Variants in HDAC7 observed in about 807,000 individuals in gnomAD.
The protein encoded by HDAC7 is histone deacetylase 7A.
In HDAC7, 26 loss-of-function variants were observed where a neutral mutation model predicts 115.5. That is an observed-to-expected ratio of 0.23 (90% confidence interval 0.16 to 0.31). HDAC7 has a LOEUF of 0.31. HDAC7 is among the 10% of genes least tolerant of loss of function. The probability of loss-of-function intolerance (pLI) is 1.00; values close to 1 mark genes in which losing one functional copy is unlikely to be tolerated. For synonymous variants in HDAC7, 564 were observed against 550.9 expected, an observed-to-expected ratio of 1.02 and a Z score of -0.33; for missense variants, 1,068 against 1,329.0, an observed-to-expected ratio of 0.80 and a Z score of 3.05.
intron 1 of HDAC7, among the ~76,000 whole-genome samples, chr12:47,817,248 C>A (rs1194765173): frequency 6.6e-6 from 1 of 152,248 alleles, no homozygotes; most frequent in East Asian, 1.9e-4. Flanking sequence ...CTCCTTCCTG[C>A]CTCCCCAGAG....
chr12:47,793,308 C>A lies in HDAC7; in HGVS notation c.1678+61G>T. ...AAATGTCCCAAGTGACACCAAGACA[C>A]CCACATGGACTCGTGCAGCCGAGCC... On this transcript the variant is annotated intron_variant, in intron 13 of 25. Transcript: ENST00000080059. This position sits in a 1 kb window ranked among gnomAD's most constrained non-coding sequence, Gnocchi z 4.5. 7.8e-7 allele frequency: 1 copy of A among 1,278,210 alleles called. No homozygotes were observed. Among genetic ancestry groups the A allele is most frequent in the South Asian group, 1.5e-5 (1 of 66,612 alleles). The allele number at this position is 1,278,210 out of a possible 1,614,324, so 79.2% of individuals were successfully genotyped here.
At position 47,783,635 on chromosome 12, in the gene HDAC7, CCT is replaced by C. The variant is rs1291860859; in HGVS notation, c.*204_*205del. The C allele has an allele frequency of 9.8e-6, 6 of 614,854 alleles. No individual in the cohort carries two copies. Among genetic ancestry groups the C allele is most frequent in the Middle Eastern group, 4.3e-4 (1 of 2,346 alleles). 38.1% of individuals were successfully genotyped at this position (614,854 alleles called of 1,614,324 possible). A position where few individuals can be genotyped will look rare whatever the true frequency, so the allele number is the denominator to read the frequency against. ...GTGGGGGTCGCCGCCCAGCCCGTCTCCTCTCAGGGTCCTCTCCAGTTCCCATT... is the reference window on the plus strand; with the variant it reads ...GTGGGGGTCGCCGCCCAGCCCGTCTCCTCAGGGTCCTCTCCAGTTCCCATT... On this transcript the variant is annotated 3_prime_UTR_variant, in exon 26 of 26. Coordinates refer to ENST00000080059, the MANE Select transcript of HDAC7 (RefSeq NM_015401.5).
chr12:47,796,032 G>A lies in HDAC7; in HGVS notation c.796-16C>T, dbSNP rs1318623425. The A allele has an allele frequency of 1.3e-6, 2 of 1,548,748 alleles. No individual in the cohort carries two copies. Among genetic ancestry groups the A allele is most frequent in the Non-Finnish European group, 1.7e-6 (2 of 1,145,906 alleles). ...CCAAGAGCGCCTGCCATAGGGAGCA[G>A]GGCGAGGGTCACCGGTCCCAGACCT... On this transcript the variant is annotated splice_polypyrimidine_tract_variant and intron_variant, in intron 8 of 25. Coordinates refer to ENST00000080059, the MANE Select transcript of HDAC7 (RefSeq NM_015401.5).
At chr12:47,787,407 G>T (rs1273186231) in intron 21 of HDAC7, among the ~76,000 whole-genome samples, 1 of 152,150 alleles carries the variant, frequency 6.6e-6, no homozygotes, top group Admixed American at 6.5e-5. Context: ...TCCATTTCCA[G>T]AATTCTCTTT....
chr12:47,812,551 G>A (rs769899902), intron 1 of HDAC7, among the ~76,000 whole-genome samples: 3 of 152,120 alleles, frequency 2.0e-5, no homozygotes, highest in Non-Finnish European at 4.4e-5. Context: ...TGAAGAAGTG[G>A]AGGCACAGAG....
chr12:47,793,029 T>C lies in HDAC7; in HGVS notation c.1678+340A>G. ...AGGTTTTTCTGTACTCTTCAAAATG[T>C]CTAAAATACTTCTGAGCTCTTTTTA... On this transcript the variant is annotated intron_variant, in intron 13 of 25. Transcript: ENST00000080059. The surrounding 1 kb of genome is among the most constrained non-coding windows in gnomAD (Gnocchi z 4.5). 3.2e-6 allele frequency: 1 copy of C among 307,692 alleles called. No individual in the cohort carries two copies. Among genetic ancestry groups the C allele is most frequent in the East Asian group, 6.8e-5 (1 of 14,778 alleles). The allele number at this position is 307,692 out of a possible 1,614,324, so 19.1% of individuals were successfully genotyped here. A position where few individuals can be genotyped will look rare whatever the true frequency, so the allele number is the denominator to read the frequency against.
At position 47,794,944 on chromosome 12, in the gene HDAC7, G is replaced by A. The variant is rs1245696657; in HGVS notation, c.1285-11C>T. 7.5e-6 allele frequency: 12 copies of A among 1,606,594 alleles called. No homozygotes were observed. In the Admixed American group the frequency reaches 1.7e-4, roughly 23 times the overall value. On this transcript the variant is annotated splice_polypyrimidine_tract_variant and intron_variant, in intron 11 of 25. Transcript: ENST00000080059. ...CGGCTTGGCTGACCTCTGGGGAGGG[G>A]AGAACCTGGCTGAGAAGCCATGGTG...
intron 7 of HDAC7, among the ~76,000 whole-genome samples, chr12:47,796,719 C>A (rs527767783): frequency 1.3e-5 from 2 of 152,320 alleles, no homozygotes; most frequent in African/African-American, 4.8e-5. Flanking sequence ...CCACCGCGCC[C>A]GGCCTCCTGC....
chr12:47,820,612 T>TG (rs1348892980), upstream of HDAC7: 1 of 152,008 alleles, frequency 6.6e-6, no homozygotes, highest in Non-Finnish European at 1.5e-5. The surrounding 1 kb of genome is among the most constrained non-coding windows in gnomAD (Gnocchi z 4.3). Flanking sequence ...AAAAAGGGTG[T>TG]GGGGGTGGTG....
In HDAC7 at chr12:47,795,267, G is replaced by A. The variant is rs1376496408; in HGVS notation, c.1201C>T (p.Pro401Ser). The change falls in exon 11 of 26, where the codon CCC (proline) becomes TCC (serine). Residue 401 changes from proline to serine, a missense_variant. Pro to Ser is a moderately conservative substitution (Grantham distance 74). Transcript: ENST00000080059. The surrounding 1 kb of genome is among the most constrained non-coding windows in gnomAD (Gnocchi z 4.3). Reference protein sequence around the residue: ...PLSRTRSEPLPPSATAPPPPG... With the variant: ...PLSRTRSEPLSPSATAPPPPG... ...GGTGGGGGAGCGGTGGCACTGGGGG[G>A]CAGGGGCTCTGAGCGAGTCCGGCTC... 2.5e-6 allele frequency: 4 copies of A among 1,611,874 alleles called. No individual in the cohort carries two copies. The highest frequency in any genetic ancestry group is 1.7e-5 in the Admixed American group (1 of 59,966).
chr12:47,795,334 C>T lies in HDAC7; in HGVS notation c.1134G>A (p.Met378Ile). The T allele has an allele frequency of 6.2e-7, 1 of 1,612,068 alleles. No individual in the cohort carries two copies. The change falls in exon 11 of 26, where the codon ATG becomes ATA. Residue 378 changes from methionine (M) to isoleucine (I), a missense_variant. Around this residue, in one of 6 missense-constraint regions of HDAC7, gnomAD observed 618 missense variants for 701.5 expected, o/e 0.88. Transcript: ENST00000080059. This position sits in a 1 kb window ranked among gnomAD's most constrained non-coding sequence, Gnocchi z 4.3. ...PLPFHFAQSL[M>I]TTERLSGSGL... ...CTGACCCAGAGAGCCGCTCGGTGGT[C>T]ATTAAGGACTGGGCAAAGTGGAAGG...
rs532967819 is a variant in HDAC7 at position 47,798,469 on chromosome 12, C to A, written c.349+93G>T. ...GCCTCGGCTCAGGCCCAGCTGGCTG[C>A]GGCCCTCCCACCTCACCCCTCACAA... On this transcript the variant is annotated intron_variant, in intron 4 of 25. Transcript: ENST00000080059. This position sits in a 1 kb window ranked among gnomAD's most constrained non-coding sequence, Gnocchi z 4.3. 1 of 1,143,544 alleles carries A rather than the reference C, an allele frequency of 8.7e-7. No individual in the cohort carries two copies. The highest frequency in any genetic ancestry group is 1.3e-6 in the Non-Finnish European group (1 of 770,526). The allele number at this position is 1,143,544 out of a possible 1,614,324, so 70.8% of individuals were successfully genotyped here. A position where few individuals can be genotyped will look rare whatever the true frequency, so the allele number is the denominator to read the frequency against.
At chr12:47,814,947 A>T (rs1389996306) in intron 1 of HDAC7, among the ~76,000 whole-genome samples, 1 of 152,146 alleles carries the variant, frequency 6.6e-6, no homozygotes, top group African/African-American at 2.4e-5. Context: ...AGTCACACAT[A>T]CTCATTCCTT....
At chr12:47,805,974 C>T (rs1261833596) in intron 1 of HDAC7, among the ~76,000 whole-genome samples, 2 of 152,288 alleles carry the variant, frequency 1.3e-5, no homozygotes, top group Middle Eastern at 3.4e-3. Flanking sequence ...TGAACAAGTA[C>T]AATACTTGCA....
chr12:47,796,892 C>G, intron 7 of HDAC7, 125 bp downstream of exon 7: 1 of 1,077,784 alleles, frequency 9.3e-7, no homozygotes, highest in Non-Finnish European at 1.3e-6. Context: ...GTGTGTGGGA[C>G]ACCCCCATGC....
At chr12:47,814,330 C>T (rs1272711394) in intron 1 of HDAC7, among the ~76,000 whole-genome samples, 1 of 152,210 alleles carries the variant, frequency 6.6e-6, no homozygotes, top group Non-Finnish European at 1.5e-5. Context: ...TAGGCCTTGA[C>T]CCCCTCTCTT....
In HDAC7 at chr12:47,805,665, G is replaced by T. The variant is rs76422001; in HGVS notation, c.20-3391C>A. Among the ~76,000 whole-genome samples the T allele has an allele frequency of 3.2e-3, 481 of 152,348 alleles. 1 individual carries two copies. The highest frequency in any genetic ancestry group is 0.01 in the African/African-American group (435 of 41,586). On this transcript the variant is annotated intron_variant, in intron 1 of 25. Transcript: ENST00000080059. ...TTGCCAGGCCTCCCTGACACAGAGT[G>T]GGGGCTGAGCACAGAGGATCTGCTC...
rs997954684 is a variant in HDAC7 at position 47,803,855 on chromosome 12, C to A, written c.20-1581G>T. On this transcript the variant is annotated intron_variant, in intron 1 of 25. Transcript: ENST00000080059. This position sits in a 1 kb window ranked among gnomAD's most constrained non-coding sequence, Gnocchi z 4.0. ...CGACATGGTAACCCCCAATCCCAGG[C>A]CTTCTTAGTACCTCTTCTTTCTTCT... 6.6e-6 allele frequency among the ~76,000 whole-genome samples: 1 copy of A among 152,340 alleles called. No homozygotes were observed. The highest frequency in any genetic ancestry group is 1.5e-5 in the Non-Finnish European group (1 of 68,022).
Position 47,793,286 on chromosome 12 carries a change from T to C in HDAC7, c.1678+83A>G, listed in dbSNP as rs2136950678. On this transcript the variant is annotated intron_variant, in intron 13 of 25. Transcript: ENST00000080059. This position sits in a 1 kb window ranked among gnomAD's most constrained non-coding sequence, Gnocchi z 4.5. ...CTAAGCACTCTGTGGCCTCTAAAAA[T>C]GTCCCAAGTGACACCAAGACACCCA... 9.4e-7 allele frequency: 1 copy of C among 1,066,124 alleles called. No individual in the cohort carries two copies. Among genetic ancestry groups the C allele is most frequent in the Non-Finnish European group, 1.3e-6 (1 of 757,424 alleles). The allele number at this position is 1,066,124 out of a possible 1,614,324, so 66.0% of individuals were successfully genotyped here.
Sources: gnomAD v4.1 joint callset for allele counts (sites outside exome capture counted in the v4.1 genomes callset) on GRCh38, gnomAD v4.1.1 for gene constraint, gnomAD v4.1.1 regional missense constraint, Gnocchi (gnomAD v3.1) non-coding constraint, MANE v1.5 for transcripts, NCBI Gene and HGNC (gene_info 2026-07-23, HGNC 2026-07-21) for gene names.